FCGR2B: variants seen among roughly 807,000 people sequenced by gnomAD.
The protein encoded by FCGR2B is low affinity immunoglobulin gamma Fc region receptor II-b.
FCGR2B carries 18 observed loss-of-function variants against 24.8 expected under a neutral mutation model. The ratio of observed to expected loss-of-function variants is 0.73; its 90% confidence interval spans 0.50 to 1.08. The LOEUF is 1.08. FCGR2B is among the 50% of genes least tolerant of loss of function. The pLI is 0.00. For missense variants in FCGR2B, 215 were observed against 297.6 expected (o/e 0.72, Z 2.04); for synonymous variants, 79 against 109.8 (o/e 0.72, Z 1.75).
chr1:161,672,450 A>G (rs1681746658), intron 3 of FCGR2B: 2 of 174,492 alleles, frequency 1.1e-5, no homozygotes, highest in Non-Finnish European at 2.5e-5. Flanking sequence ...GAAGCTCCAC[A>G]TTTATTAACA....
intron 3 of FCGR2B, 33 bp downstream of exon 3, chr1:161,671,682 G>A (rs1487501626): frequency 6.2e-7 from 1 of 1,611,618 alleles, no homozygotes; most frequent in South Asian, 1.1e-5. Flanking sequence ...GTGGACCTGG[G>A]AGGGCCAGGA....
In FCGR2B at chr1:161,675,269, A is replaced by G; in HGVS notation, c.773A>G (p.Tyr258Cys). The change falls in exon 6 of 8, where the codon TAC becomes TGC. Residue 258 changes from tyrosine (Y) to cysteine (C), a missense_variant. By Grantham distance (194) the Tyr-to-Cys change is radical (BLOSUM62 -2). Transcript: ENST00000358671. ...GTGCCCCTCCCAGCTCTCCCAGGAT[A>G]CCCTGAGTGCAGGGAAATGGGAGAG... ...RKKRISALPGYPECREMGETL... is the reference protein window; with the variant it reads ...RKKRISALPGCPECREMGETL... 1 of 1,606,122 alleles carries G rather than the reference A, an allele frequency of 6.2e-7. No homozygotes were observed. Among genetic ancestry groups the G allele is most frequent in the Non-Finnish European group, 8.5e-7 (1 of 1,176,846 alleles).
At chr1:161,654,251 C>T in the FCGR2B span, among the ~76,000 whole-genome samples, 42,988 of 120,038 alleles carry the variant, frequency 0.36, 8,819 homozygotes, top group East Asian at 0.44. Flanking sequence ...GTCCCTGGAT[C>T]TTGAGGACAG....
rs77142736 is a variant in FCGR2B at position 161,677,819 on chromosome 1, A to G, written c.*266A>G. On this transcript the variant is annotated 3_prime_UTR_variant, in exon 8 of 8. Coordinates refer to ENST00000358671, the MANE Select transcript of FCGR2B (RefSeq NM_001394477.1). ...GTTCCACATCCACACAGCCAATCCA[A>G]TTAATCAAACCACTGTTATTAACAG... 2.5e-4 allele frequency: 115 copies of G among 457,540 alleles called. 2 individuals are homozygous for G. The East Asian group carries it at 4.1e-3, about 16-fold the overall frequency. 28.3% of individuals were successfully genotyped at this position (457,540 alleles called of 1,614,324 possible).
the FCGR2B span, among the ~76,000 whole-genome samples, chr1:161,649,356 A>G: frequency 6.6e-6 from 1 of 150,966 alleles, no homozygotes; most frequent in African/African-American, 2.4e-5. Flanking sequence ...TACCTCTTTA[A>G]AAGAAAAGTT....
At chr1:161,647,832 G>A in the FCGR2B span, among the ~76,000 whole-genome samples, 1 of 150,900 alleles carries the variant, frequency 6.6e-6, no homozygotes, top group African/African-American at 2.5e-5. Flanking sequence ...TTCTCCTCAG[G>A]TCAAGGTACC....
chr1:161,654,128 T>C, the FCGR2B span, among the ~76,000 whole-genome samples: 1 of 136,322 alleles, frequency 7.3e-6, no homozygotes, highest in Admixed American at 7.7e-5. Context: ...TTAAACTCTT[T>C]CTTTGCTGCA....
At chr1:161,651,676 C>T in the FCGR2B span, among the ~76,000 whole-genome samples, 1 of 120,994 alleles carries the variant, frequency 8.3e-6, no homozygotes, top group Admixed American at 9.3e-5. Flanking sequence ...TGGCTCACAC[C>T]TGTAATCCTG....
At chr1:161,661,243 AAAGAAAGAAAGAAAGAAAGG>A (rs759386126), upstream of FCGR2B, among the ~76,000 whole-genome samples, 9,057 of 74,394 alleles carry the variant, frequency 0.12, 685 homozygotes, top group Admixed American at 0.13. Flanking sequence ...AGAAAGAAAG[AAAGAAAGAAAGAAAGAAAGG>A]AAGGAAGCAA....
chr1:161,649,494 C>A, the FCGR2B span, among the ~76,000 whole-genome samples: 1 of 150,884 alleles, frequency 6.6e-6, no homozygotes, highest in Non-Finnish European at 1.5e-5. Context: ...TAGCAGGGTG[C>A]AAGTGACCAC....
At chr1:161,651,975 TA>T in the FCGR2B span, among the ~76,000 whole-genome samples, 1 of 102,678 alleles carries the variant, frequency 9.7e-6, no homozygotes, top group Non-Finnish European at 2.2e-5. Flanking sequence ...TAAAATAAAA[TA>T]AAGATCTATG....
upstream of FCGR2B, among the ~76,000 whole-genome samples, chr1:161,661,376 A>G (rs1681087857): frequency 8.0e-6 from 1 of 124,950 alleles, no homozygotes; most frequent in Non-Finnish European, 1.7e-5. Context: ...GCAAGACAGC[A>G]CATAATTGAC....
chr1:161,661,195 AAAGAAAGAAAGAAAGAAAGAAAG>A (rs1681008581), upstream of FCGR2B, among the ~76,000 whole-genome samples: 3 of 22,444 alleles, frequency 1.3e-4, 1 homozygote, highest in African/African-American at 7.9e-4. Context: ...GAAAGGAAAG[AAAGAAAGAAAGAAAGAAAGAAAG>A]AAAGAAAGAA....
the FCGR2B span, among the ~76,000 whole-genome samples, chr1:161,652,600 T>G: frequency 7.4e-6 from 1 of 135,254 alleles, no homozygotes; most frequent in South Asian, 2.6e-4. Context: ...TACCAACATC[T>G]GAATCATCTT....
At position 161,673,245 on chromosome 1, in the gene FCGR2B, C is replaced by T. The variant is rs1215728106; in HGVS notation, c.646+16C>T. The T allele has an allele frequency of 6.4e-7, 1 of 1,563,272 alleles. No individual in the cohort carries two copies. Among genetic ancestry groups the T allele is most frequent in the Non-Finnish European group, 8.7e-7 (1 of 1,150,852 alleles). On this transcript the variant is annotated intron_variant, in intron 4 of 7. Transcript: ENST00000358671. ...ACTGTCCAAGGTATGCGGAGTCTGC[C>T]AAGATGTAAGGAGGGGAGAAGAGGG...
the FCGR2B span, among the ~76,000 whole-genome samples, chr1:161,647,458 G>T: frequency 2.0e-5 from 3 of 150,544 alleles, no homozygotes; most frequent in African/African-American, 4.9e-5. Context: ...CCACCAGCAT[G>T]CCCGTCTAAT....
rs1406614422 is a variant in FCGR2B at position 161,673,987 on chromosome 1, T to C, written c.674T>C (p.Ile225Thr). 1.4e-5 allele frequency: 7 copies of C among 511,598 alleles called. No individual in the cohort carries two copies. The highest frequency in any genetic ancestry group is 6.4e-5 in the South Asian group (3 of 47,206). The allele number at this position is 511,598 out of a possible 1,614,324, so 31.7% of individuals were successfully genotyped here. A position where few individuals can be genotyped will look rare whatever the true frequency, so the allele number is the denominator to read the frequency against. Reference protein sequence around the residue: ...QAPSSSPMGIIVAVVTGIAVA... With the variant: ...QAPSSSPMGITVAVVTGIAVA... ...CCCAGCTCTTCACCGATGGGGATCA[T>C]TGTGGCTGTGGTCACTGGGATTGCT... The change falls in exon 5 of 8, where the codon ATT becomes ACT. Residue 225 changes from isoleucine to threonine, a missense_variant. By Grantham distance (89) the Ile-to-Thr change is moderately conservative (BLOSUM62 -1). Coordinates refer to ENST00000358671, the MANE Select transcript of FCGR2B (RefSeq NM_001394477.1).
chr1:161,671,685 G>A (rs1478827419), intron 3 of FCGR2B, 36 bp downstream of exon 3: 1 of 1,610,404 alleles, frequency 6.2e-7, no homozygotes, highest in Non-Finnish European at 8.5e-7. Flanking sequence ...GACCTGGGAG[G>A]GCCAGGACGG....
the FCGR2B span, among the ~76,000 whole-genome samples, chr1:161,651,065 C>A: frequency 1.2e-5 from 1 of 81,898 alleles, no homozygotes; most frequent in Admixed American, 1.5e-4. Context: ...GGAGGGGAAC[C>A]CTGGTAAGTC....
Sources: gnomAD v4.1 joint callset for allele counts (sites outside exome capture counted in the v4.1 genomes callset) on GRCh38, gnomAD v4.1.1 for gene constraint, MANE v1.5 for transcripts, NCBI Gene and HGNC (gene_info 2026-07-23, HGNC 2026-07-21) for gene names.